The following NOTCH3 variants were observed in gnomAD, a reference collection of about 807,000 sequenced individuals.
NOTCH3 encodes notch receptor 3, also known as neurogenic locus notch homolog protein 3.
In NOTCH3, 86 loss-of-function variants were observed where a neutral mutation model predicts 213.3. The observed-to-expected ratio is 0.40, with a 90% CI of 0.34 to 0.48. NOTCH3 has a LOEUF of 0.48. Among genes scored for constraint, NOTCH3 ranks in the 20% least tolerant of loss-of-function variants. The probability of loss-of-function intolerance (pLI) is 0.57; values close to 1 mark genes in which losing one functional copy is unlikely to be tolerated. For missense variants in NOTCH3, 2,783 were observed against 3,272.6 expected (o/e 0.85, Z 3.65); for synonymous variants, 1,354 against 1,355.9 (o/e 1.00, Z 0.03).
At chr19:15,168,625 G>A (rs2046704912) in intron 28 of NOTCH3, among the ~76,000 whole-genome samples, 2 of 152,056 alleles carry the variant, frequency 1.3e-5, no homozygotes, top group Admixed American at 1.3e-4. Flanking sequence ...CTTGAGGTCT[G>A]CAGCTTGAGA....
chr19:15,192,782 G>A (rs1461348643), intron 2 of NOTCH3, among the ~76,000 whole-genome samples: 1 of 152,142 alleles, frequency 6.6e-6, no homozygotes. Flanking sequence ...GGGCATAGTG[G>A]TGCGTGCCTG....
intron 24 of NOTCH3, among the ~76,000 whole-genome samples, chr19:15,176,855 A>G (rs1266678046): frequency 1.3e-5 from 2 of 150,554 alleles, no homozygotes; most frequent in East Asian, 3.9e-4. Flanking sequence ...GGCGGATCAC[A>G]AGGTCAGGAG....
rs528151296 is a variant in NOTCH3, at chr19:15,161,059, G to A, written c.6569C>T (p.Ala2190Val). Reference sequence around the variant, plus strand: ...TGGGTTGAGCAGCTGGGGTCCCGGCGCCAGTGGCAGCAGGAACGAGGGGCC... The same window carrying A: ...TGGGTTGAGCAGCTGGGGTCCCGGCACCAGTGGCAGCAGGAACGAGGGGCC... Reference protein sequence around the residue: ...PPGPSFLLPLAPGPQLLNPGT... With the variant: ...PPGPSFLLPLVPGPQLLNPGT... The change falls in exon 33 of 33, where the codon GCG becomes GTG. Residue 2190 changes from alanine to valine, a missense_variant. Ala to Val is a moderately conservative substitution (Grantham distance 64, BLOSUM62 0). Coordinates refer to ENST00000263388, the MANE Select transcript of NOTCH3 (RefSeq NM_000435.3). 1.1e-4 allele frequency: 170 copies of A among 1,539,730 alleles called. No individual in the cohort carries two copies. Among genetic ancestry groups the A allele is most frequent in the African/African-American group, 1.8e-4 (13 of 73,494 alleles).
chr19:15,170,459 G>C lies in NOTCH3; in HGVS notation c.4986C>G (p.Val1662=). The C allele has an allele frequency of 6.2e-7, 1 of 1,609,138 alleles. No homozygotes were observed. Among genetic ancestry groups the C allele is most frequent in the South Asian group, 1.1e-5 (1 of 91,084 alleles). Residue 1662 remains valine, a synonymous_variant, in exon 27 of 33, where the codon GTC becomes GTG. Transcript: ENST00000263388. ...VLLLVILVLG[V]MVARRKREHS... ...GCTCGCGCTTGCGCCGGGCCACCAT[G>C]ACACCCAGGACGAGAATGACCAGCA...
At position 15,180,703 on chromosome 19, in the gene NOTCH3, G is replaced by A. The variant is rs372688320; in HGVS notation, c.3120C>T (p.Cys1040=). 23 of 1,560,630 alleles carry A rather than the reference G, an allele frequency of 1.5e-5. No homozygotes were observed. The Middle Eastern group carries it at 6.6e-4, about 45-fold the overall frequency. The part of the protein sequence containing the change: ...GRLCDIRSLP[C]REAAAQIGVR... ...CACCGATCTGGGCTGCGGCCTCCCT[G>A]CAGGGCAAGCTTCGGATGTCACAGA... The change falls in exon 19 of 33, where the codon TGC becomes TGT. Residue 1040 remains cysteine, a synonymous_variant. Transcript: ENST00000263388.
At chr19:15,178,341 A>G in intron 23 of NOTCH3, 1 of 501,842 alleles carries the variant, frequency 2.0e-6, no homozygotes, top group Non-Finnish European at 3.5e-6. Flanking sequence ...CCCAATCACC[A>G]TCCTCACCCT....
rs2046803585 is a variant in NOTCH3 at position 15,177,716 on chromosome 19, C to T, written c.4212G>A (p.Glu1404=). The T allele has an allele frequency of 6.5e-7, 1 of 1,532,672 alleles. No individual in the cohort carries two copies. The highest frequency in any genetic ancestry group is 1.4e-5 in the African/African-American group (1 of 72,782). 94.9% of individuals were successfully genotyped at this position (1,532,672 alleles called of 1,614,324 possible). ...AKRGDQRCDR[E]CNSPGCGWDG... ...CCCAGCCGCAGCCTGGGCTGTTGCACTCGCGGTCGCAGCGCTGGTCCCCGC... is the reference window on the plus strand; with the variant it reads ...CCCAGCCGCAGCCTGGGCTGTTGCATTCGCGGTCGCAGCGCTGGTCCCCGC... Residue 1404 remains glutamate, a synonymous_variant, in exon 24 of 33, where the codon GAG becomes GAA. Coordinates refer to ENST00000263388, the MANE Select transcript of NOTCH3 (RefSeq NM_000435.3).
Position 15,187,220 on chromosome 19 carries a change from C to G in NOTCH3, c.1725G>C (p.Thr575=), listed in dbSNP as rs79926127. 78 of 1,613,954 alleles carry G rather than the reference C, an allele frequency of 4.8e-5. No individual in the cohort carries two copies. Among genetic ancestry groups the G allele is most frequent in the East Asian group, 3.6e-4 (16 of 44,882 alleles). The part of the protein sequence containing the change: ...SFSCACAPGY[T]GTRCESQVDE... ...CCACCTGGCTCTCGCAGCGTGTGCC[C>G]GTGTAGCCAGGAGCACAGGCACATG... Residue 575 remains threonine (T), a synonymous_variant, in exon 11 of 33, where the codon ACG becomes ACC. Coordinates refer to ENST00000263388, the MANE Select transcript of NOTCH3 (RefSeq NM_000435.3).
At position 15,189,305 on chromosome 19, in the gene NOTCH3, G is replaced by A. The variant is rs2145436990; in HGVS notation, c.1160C>T (p.Ala387Val). 6.2e-7 allele frequency: 1 copy of A among 1,614,084 alleles called. No individual in the cohort carries two copies. The highest frequency in any genetic ancestry group is 1.1e-5 in the South Asian group (1 of 91,086). ...GCACTCGTCCACATCCTGGTCACAT[G>A]CCCCACCCGTGAAGCCGGGAGGACA... ...CTCPPGFTGG[A>V]CDQDVDECSI... The change falls in exon 7 of 33, where the codon GCA (alanine) becomes GTA (valine). Residue 387 changes from alanine to valine, a missense_variant. Coordinates refer to ENST00000263388, the MANE Select transcript of NOTCH3 (RefSeq NM_000435.3).
At chr19:15,187,065 C>A (rs752856819) in intron 11 of NOTCH3, 40 bp downstream of exon 11, 2 of 1,606,954 alleles carry the variant, frequency 1.2e-6, no homozygotes, top group Non-Finnish European at 1.7e-6. Flanking sequence ...CCTCTGTGCC[C>A]CTCCAGGTGT....
In NOTCH3 at chr19:15,174,385, C is replaced by A. The variant is rs1483290724; in HGVS notation, c.4419G>T (p.Lys1473Asn). 6.5e-7 allele frequency: 1 copy of A among 1,532,458 alleles called. No homozygotes were observed. Among genetic ancestry groups the A allele is most frequent in the Non-Finnish European group, 8.8e-7 (1 of 1,134,770 alleles). The allele number at this position is 1,532,458 out of a possible 1,614,324, so 94.9% of individuals were successfully genotyped here. Residue 1473 changes from lysine (K) to asparagine (N), a missense_variant, in exon 25 of 33, where the codon AAG (lysine) becomes AAT (asparagine). Lys to Asn is a moderately conservative substitution (Grantham distance 94). Transcript: ENST00000263388. Reference sequence around the variant, plus strand: ...CGTCGGCAAAGTGGTCGGCGCAGTACTTCTCGTACACCGGGCTGGTGGGGA... The same window carrying A: ...CGTCGGCAAAGTGGTCGGCGCAGTAATTCTCGTACACCGGGCTGGTGGGGA... Reference protein sequence around the residue: ...RERTCNPVYEKYCADHFADGR... With the variant: ...RERTCNPVYENYCADHFADGR...
At chr19:15,177,420 A>G (rs1291368546) in intron 24 of NOTCH3, 105 bp downstream of exon 24, 2 of 1,047,516 alleles carry the variant, frequency 1.9e-6, no homozygotes, top group East Asian at 2.6e-5. Context: ...ACAGAGAAAC[A>G]GACGGGGCAA....
chr19:15,188,990 T>G lies in NOTCH3; in HGVS notation c.1377A>C (p.Ala459=). The G allele has an allele frequency of 6.2e-7, 1 of 1,609,414 alleles. No homozygotes were observed. Residue 459 remains alanine (A), a splice_region_variant and synonymous_variant, in exon 8 of 33, where the codon GCA becomes GCC. Coordinates refer to ENST00000263388, the MANE Select transcript of NOTCH3 (RefSeq NM_000435.3). Reference sequence around the variant, plus strand: ...GCCCAGGCCACGCCCACCACCCACCTGCCATACAGATACAGGTGAACTGGC... The same window carrying G: ...GCCCAGGCCACGCCCACCACCCACCGGCCATACAGATACAGGTGAACTGGC... ...RIGQFTCICM[A]GFTGTYCEVD...
At position 15,170,162 on chromosome 19, in the gene NOTCH3, G is replaced by A. The variant is rs1477898406; in HGVS notation, c.5123C>T (p.Ala1708Val). Residue 1708 changes from alanine to valine, a missense_variant, in exon 28 of 33, where the codon GCC becomes GTC. By Grantham distance (64) the Ala-to-Val change is moderately conservative. Around this residue, in one of 6 missense-constraint regions of NOTCH3, gnomAD observed 636 missense variants for 801.8 expected, o/e 0.79. Coordinates refer to ENST00000263388, the MANE Select transcript of NOTCH3 (RefSeq NM_000435.3). Reference protein sequence around the residue: ...GQDALGMKNMAKGESLMGEVA... With the variant: ...GQDALGMKNMVKGESLMGEVA... Reference sequence around the variant, plus strand: ...CTCCCCCATCAGGCTCTCACCCTTGGCCATGTTCCTGGCGGACAATGGGAA... The same window carrying A: ...CTCCCCCATCAGGCTCTCACCCTTGACCATGTTCCTGGCGGACAATGGGAA... 1.9e-6 allele frequency: 3 copies of A among 1,603,694 alleles called. No homozygotes were observed. The highest frequency in any genetic ancestry group is 2.6e-6 in the Non-Finnish European group (3 of 1,174,558).
chr19:15,181,948 T>C (rs1027726665), intron 16 of NOTCH3, 147 bp from the exon 17 acceptor site: 2 of 699,030 alleles, frequency 2.9e-6, no homozygotes, highest in Admixed American at 2.5e-5. Context: ...TCTAAATCCA[T>C]CCCCTTCTGT....
chr19:15,198,121 C>T (rs560883204), intron 1 of NOTCH3, among the ~76,000 whole-genome samples: 6 of 152,120 alleles, frequency 3.9e-5, no homozygotes, highest in East Asian at 1.9e-4. Context: ...AAGCAGCCAG[C>T]GCTGGGCGTT....
chr19:15,194,980 AG>A (rs2046958310), intron 2 of NOTCH3, among the ~76,000 whole-genome samples: 2 of 150,762 alleles, frequency 1.3e-5, no homozygotes, highest in South Asian at 2.1e-4. Context: ...AAAAAGGAAA[AG>A]GAAAAAAAGA....
chr19:15,189,126 G>A lies in NOTCH3; in HGVS notation c.1241C>T (p.Ser414Phe). 6.2e-7 allele frequency: 1 copy of A among 1,613,372 alleles called. No individual in the cohort carries two copies. The highest frequency in any genetic ancestry group is 1.1e-5 in the South Asian group (1 of 91,090). ...GCCACGACCGCACTGGCACAGGAAG[G>A]AGCCCTGCGTGTTCACGCACCTGCC... ...HLGRCVNTQG[S>F]FLCQCGRGYT... is the part of the protein sequence containing the mutation. The change falls in exon 8 of 33, where the codon TCC (serine) becomes TTC (phenylalanine). Residue 414 changes from serine to phenylalanine, a missense_variant. Transcript: ENST00000263388.
chr19:15,168,089 T>C (rs2046701021), intron 28 of NOTCH3, among the ~76,000 whole-genome samples: 1 of 152,026 alleles, frequency 6.6e-6, no homozygotes, highest in African/African-American at 2.4e-5. Context: ...AAGCACACAG[T>C]ATAAGCAGAT....
Sources: allele counts gnomAD v4.1 joint callset (sites outside exome capture counted in the v4.1 genomes callset), GRCh38; gene constraint gnomAD v4.1.1; regional missense constraint gnomAD v4.1.1; transcripts MANE v1.5; gene names NCBI Gene and HGNC (gene_info 2026-07-23, HGNC 2026-07-21).